RALGPS2: variants seen among roughly 807,000 people sequenced by gnomAD.
RALGPS2 encodes Ral GEF with PH domain and SH3 binding motif 2.
RALGPS2 carries 43 observed loss-of-function variants against 86.8 expected under a neutral mutation model. The observed-to-expected ratio is 0.50, with a 90% confidence interval of 0.39 to 0.64. The LOEUF (loss-of-function observed/expected upper bound fraction) is 0.64, where lower values mean the gene tolerates loss of function less well. Ranked by LOEUF, RALGPS2 falls within the 30% of genes least tolerant of loss-of-function variation. The probability of loss-of-function intolerance (pLI) is 0.00; values close to 1 mark genes in which losing one functional copy is unlikely to be tolerated. For synonymous variants in RALGPS2, 243 were observed against 231.3 expected (o/e 1.05, Z -0.46); for missense variants, 536 against 694.6 (o/e 0.77, Z 2.57).
At chr1:178,846,148 CT>C (rs1407654329) in intron 8 of RALGPS2, among the ~76,000 whole-genome samples, 2 of 152,116 alleles carry the variant, frequency 1.3e-5, no homozygotes, top group Non-Finnish European at 2.9e-5. Flanking sequence ...AAGTCCAAGT[CT>C]TTTTGCTGAT....
intron 1 of RALGPS2, among the ~76,000 whole-genome samples, chr1:178,727,843 C>CATTTAAGCCCCG (rs1650116687): frequency 6.6e-6 from 1 of 152,066 alleles, no homozygotes. Context: ...CAGGGCTTAT[C>CATTTAAGCCCCG]ATTTAAGCCC....
intron 12 of RALGPS2, 179 bp downstream of exon 12, chr1:178,885,390 G>T: frequency 1.7e-6 from 1 of 600,028 alleles, no homozygotes; most frequent in Non-Finnish European, 2.7e-6. Context: ...TACTTTACCT[G>T]AATTTGGAAA....
rs996811485 is a variant in RALGPS2, at chr1:178,786,761, G to A, written c.213+1154G>A. Among the ~76,000 whole-genome samples the A allele has an allele frequency of 2.0e-5, 3 of 151,776 alleles. No homozygotes were observed. The South Asian group carries it at 6.2e-4, about 32-fold the overall frequency. ...AAATAGATACAATTTTAGTTCTTTC[G>A]GGAACAAAATATAGTGTATTCATTG... On this transcript the variant is annotated intron_variant, in intron 4 of 19. Transcript: ENST00000367635.
chr1:178,868,309 A>G (rs1422883739), intron 8 of RALGPS2, among the ~76,000 whole-genome samples: 1 of 151,966 alleles, frequency 6.6e-6, no homozygotes, highest in East Asian at 1.9e-4. Flanking sequence ...ACAAGAAATA[A>G]AAGCCATCAT....
At chr1:178,827,840 G>A (rs1476469023) in intron 7 of RALGPS2, among the ~76,000 whole-genome samples, 3 of 152,134 alleles carry the variant, frequency 2.0e-5, no homozygotes, top group Non-Finnish European at 4.4e-5. Context: ...CCTCAACAAA[G>A]ATAACAAGAA....
At chr1:178,901,363 AG>A (rs1558178736) in intron 17 of RALGPS2, among the ~76,000 whole-genome samples, 1 of 151,936 alleles carries the variant, frequency 6.6e-6, no homozygotes, top group Non-Finnish European at 1.5e-5. Context: ...GTTTTTCTTT[AG>A]TGTTTTACCA....
intron 8 of RALGPS2, among the ~76,000 whole-genome samples, chr1:178,857,806 A>G (rs965607884): frequency 1.7e-4 from 26 of 152,182 alleles, no homozygotes; most frequent in African/African-American, 5.8e-4. Flanking sequence ...GCTTTGCTGC[A>G]GAATATTTAG....
intron 7 of RALGPS2, among the ~76,000 whole-genome samples, chr1:178,826,175 T>C (rs1008607505): frequency 6.6e-6 from 1 of 152,124 alleles, no homozygotes; most frequent in African/African-American, 2.4e-5. Context: ...GTAGGGAAAA[T>C]ATTAAGAGCA....
chr1:178,906,734 C>G, intron 18 of RALGPS2, 42 bp from the exon 19 acceptor site: 1 of 1,502,708 alleles, frequency 6.7e-7, no homozygotes, highest in Non-Finnish European at 9.2e-7. Context: ...ATGTGTCGTC[C>G]TTACATTTTT....
rs1305805373 is a variant in RALGPS2, at chr1:178,886,348, G to T, written c.1192+228G>T. 2.6e-5 allele frequency among the ~76,000 whole-genome samples: 4 copies of T among 152,328 alleles called. No individual in the cohort carries two copies. In the South Asian group the frequency reaches 6.2e-4, roughly 24 times the overall value. On this transcript the variant is annotated intron_variant, in intron 13 of 19. Coordinates refer to ENST00000367635, the MANE Select transcript of RALGPS2 (RefSeq NM_152663.5). ...AAGAAGGTGGAAAAAGAACATATGGGCTGGTTGAATTAGTTAACTGCATGT... is the reference window on the plus strand; with the variant it reads ...AAGAAGGTGGAAAAAGAACATATGGTCTGGTTGAATTAGTTAACTGCATGT...
intron 19 of RALGPS2, among the ~76,000 whole-genome samples, chr1:178,909,030 G>C (rs1001914105): frequency 3.3e-5 from 5 of 152,100 alleles, no homozygotes; most frequent in Admixed American, 6.6e-5. Flanking sequence ...GGTTTTTATA[G>C]TTTTAGGTTT....
At chr1:178,890,134 T>C (rs78553475) in intron 14 of RALGPS2, among the ~76,000 whole-genome samples, 3,253 of 151,988 alleles carry the variant, frequency 0.021, 106 homozygotes, top group African/African-American at 0.073. Flanking sequence ...CAAGTTAAGG[T>C]TAGAATTTAA....
intron 8 of RALGPS2, among the ~76,000 whole-genome samples, chr1:178,873,106 A>G (rs909463725): frequency 6.6e-6 from 1 of 152,192 alleles, no homozygotes; most frequent in Non-Finnish European, 1.5e-5. Flanking sequence ...TGGTTACAAT[A>G]CTGCAGAGAC....
chr1:178,902,008 T>C (rs570851654), intron 17 of RALGPS2, 98 bp from the exon 18 acceptor site: 6 of 839,072 alleles, frequency 7.2e-6, no homozygotes, highest in South Asian at 1.7e-5. Context: ...ATCTCATCTT[T>C]CATTAGGAGA....
intron 11 of RALGPS2, among the ~76,000 whole-genome samples, chr1:178,883,963 T>G (rs1659369126): frequency 6.6e-6 from 1 of 151,980 alleles, no homozygotes; most frequent in African/African-American, 2.4e-5. Context: ...CACTCCAGCC[T>G]GTGTGACACA....
rs909409951 is a variant in RALGPS2 at position 178,873,966 on chromosome 1, C to T, written c.608-3532C>T. Among the ~76,000 whole-genome samples the T allele has an allele frequency of 2.6e-5, 4 of 151,976 alleles. No individual in the cohort carries two copies. The South Asian group carries it at 6.2e-4, about 24-fold the overall frequency. ...TACGATCTCGGCTCACTACAAGCTC[C>T]GCCTCCTGGGTTCTCGCCATTCTCC... On this transcript the variant is annotated intron_variant, in intron 8 of 19. Coordinates refer to ENST00000367635, the MANE Select transcript of RALGPS2 (RefSeq NM_152663.5).
At chr1:178,914,598 A>G (rs1395027481) in intron 19 of RALGPS2, among the ~76,000 whole-genome samples, 2 of 151,758 alleles carry the variant, frequency 1.3e-5, no homozygotes, top group Admixed American at 1.3e-4. Context: ...GGTCTACTAG[A>G]TACTCAGATC....
chr1:178,848,497 C>A (rs1262049193), intron 8 of RALGPS2, among the ~76,000 whole-genome samples: 1 of 152,088 alleles, frequency 6.6e-6, no homozygotes, highest in East Asian at 1.9e-4. Context: ...ACAAGACTCT[C>A]TTTAGGCTGA....
At chr1:178,725,999 C>T (rs965238072) in intron 1 of RALGPS2, 4 of 152,092 alleles carry the variant, frequency 2.6e-5, no homozygotes, top group Non-Finnish European at 5.9e-5. Context: ...CAGCCCCGGC[C>T]CCGGAGGGGC....
Sources: allele counts gnomAD v4.1 joint callset (sites outside exome capture counted in the v4.1 genomes callset), GRCh38; gene constraint gnomAD v4.1.1; transcripts MANE v1.5; gene names NCBI Gene and HGNC (gene_info 2026-07-23, HGNC 2026-07-21).